SPTLC2: variants seen among roughly 807,000 people sequenced by gnomAD.
SPTLC2 encodes the protein serine palmitoyltransferase long chain base subunit 2, also known as serine palmitoyltransferase 2.
A neutral mutation model predicts 62.0 loss-of-function variants in SPTLC2; 21 were observed. The observed-to-expected ratio is 0.34, with a 90% CI of 0.24 to 0.49. The LOEUF (loss-of-function observed/expected upper bound fraction) is 0.49. Ranked by LOEUF, SPTLC2 falls within the 20% of genes least tolerant of loss-of-function variation. The pLI is 0.99. For synonymous variants in SPTLC2, 261 were observed against 261.8 expected, an observed-to-expected ratio of 1.00 and a Z score of 0.03; for missense variants, 511 against 713.0, an observed-to-expected ratio of 0.72 and a Z score of 3.23.
chr14:77,600,197 T>G (rs1012704270), intron 1 of SPTLC2, among the ~76,000 whole-genome samples: 2 of 152,210 alleles, frequency 1.3e-5, no homozygotes, highest in Non-Finnish European at 2.9e-5. Flanking sequence ...TAAACCATTA[T>G]GAAGAACTGT....
chr14:77,529,196 T>C (rs925722777), intron 9 of SPTLC2, among the ~76,000 whole-genome samples: 3 of 151,916 alleles, frequency 2.0e-5, no homozygotes, highest in Non-Finnish European at 4.4e-5. Flanking sequence ...TGGATTATAC[T>C]ATAGAGAGAG....
intron 1 of SPTLC2, among the ~76,000 whole-genome samples, chr14:77,614,336 T>A (rs2079953463): frequency 1.3e-5 from 2 of 152,314 alleles, no homozygotes; most frequent in South Asian, 4.1e-4. Flanking sequence ...CGCTGAAGTG[T>A]GAACACCTTT....
intron 6 of SPTLC2, among the ~76,000 whole-genome samples, chr14:77,558,206 C>T (rs1008092157): frequency 2.0e-5 from 3 of 152,124 alleles, no homozygotes; most frequent in Admixed American, 6.5e-5. Context: ...CGCCATCACG[C>T]CAGGCTAATT....
intron 1 of SPTLC2, among the ~76,000 whole-genome samples, chr14:77,616,159 C>A (rs1320914183): frequency 6.6e-6 from 1 of 152,216 alleles, no homozygotes. Flanking sequence ...CTGGGGACAG[C>A]ACACACTTCT....
intron 9 of SPTLC2, among the ~76,000 whole-genome samples, chr14:77,523,354 G>C (rs1341228888): frequency 1.3e-5 from 2 of 151,276 alleles, no homozygotes; most frequent in African/African-American, 4.9e-5. Flanking sequence ...CTGCTGCACA[G>C]GGAAGGAGGG....
chr14:77,564,024 G>T (rs549109961), intron 5 of SPTLC2, among the ~76,000 whole-genome samples: 5 of 152,074 alleles, frequency 3.3e-5, no homozygotes, highest in African/African-American at 9.6e-5. Context: ...GGCCAAGGTG[G>T]GTGGATCACT....
At chr14:77,614,149 T>C (rs984121093) in intron 1 of SPTLC2, among the ~76,000 whole-genome samples, 1 of 152,202 alleles carries the variant, frequency 6.6e-6, no homozygotes, top group African/African-American at 2.4e-5. Flanking sequence ...TCATACAGAT[T>C]TTAAAATGTC....
intron 9 of SPTLC2, among the ~76,000 whole-genome samples, chr14:77,526,042 A>G (rs369989770): frequency 5.4e-4 from 83 of 152,338 alleles, no homozygotes; most frequent in South Asian, 4.8e-3. Context: ...TAACTTACTA[A>G]TTTCAAAGAG....
chr14:77,521,358 A>G lies in SPTLC2; in HGVS notation c.1439+88T>C, dbSNP rs2079383962. The G allele has an allele frequency of 2.6e-6, 4 of 1,558,468 alleles. No homozygotes were observed. In the Admixed American group the frequency reaches 5.0e-5, roughly 20 times the overall value. Reference sequence around the variant, plus strand: ...AGGTTAACACAGTAAGGACAAGACCATTTTCCCTAACAAAATACATAAGCC... The same window carrying G: ...AGGTTAACACAGTAAGGACAAGACCGTTTTCCCTAACAAAATACATAAGCC... On this transcript the variant is annotated intron_variant, in intron 10 of 11. Transcript: ENST00000216484.
chr14:77,522,326 C>G (rs1204020012), intron 9 of SPTLC2, among the ~76,000 whole-genome samples: 1 of 152,078 alleles, frequency 6.6e-6, no homozygotes, highest in Non-Finnish European at 1.5e-5. Flanking sequence ...CCACGCCCAG[C>G]TAACTTTTGT....
intron 1 of SPTLC2, among the ~76,000 whole-genome samples, chr14:77,612,856 C>T (rs533906012): frequency 2.6e-4 from 39 of 152,264 alleles, no homozygotes; most frequent in African/African-American, 8.9e-4. Context: ...TTCTGTAAGC[C>T]AGAGAGCTCT....
rs1158556351 is a variant in SPTLC2, at chr14:77,516,779, T to C, written c.1569+1259A>G. On this transcript the variant is annotated intron_variant, in intron 11 of 11. Coordinates refer to ENST00000216484, the MANE Select transcript of SPTLC2 (RefSeq NM_004863.4). ...ATTTGTTAAGAGGACAGATCTCATGTTAAGTGTTCTTACTACAATTTTGTT... is the reference window on the plus strand; with the variant it reads ...ATTTGTTAAGAGGACAGATCTCATGCTAAGTGTTCTTACTACAATTTTGTT... 3.9e-5 allele frequency among the ~76,000 whole-genome samples: 6 copies of C among 152,386 alleles called. No homozygotes were observed. In the East Asian group the frequency reaches 9.6e-4, roughly 24 times the overall value.
chr14:77,546,317 C>G (rs1397344056), intron 9 of SPTLC2, among the ~76,000 whole-genome samples: 1 of 152,144 alleles, frequency 6.6e-6, no homozygotes, highest in Admixed American at 6.5e-5. Context: ...AATCAAGAAG[C>G]TGCTTTAAAA....
intron 2 of SPTLC2, among the ~76,000 whole-genome samples, chr14:77,581,522 T>A (rs1303213745): frequency 6.6e-6 from 1 of 150,960 alleles, no homozygotes; most frequent in Non-Finnish European, 1.5e-5. Flanking sequence ...GCGACTCTCC[T>A]GCCTCAGCCT....
In SPTLC2 at chr14:77,588,408, T is replaced by C. The variant is rs8014656; in HGVS notation, c.327+8778A>G. 7.1e-3 allele frequency among the ~76,000 whole-genome samples: 1,079 copies of C among 152,110 alleles called. 14 individuals carry two copies. Among genetic ancestry groups the C allele is most frequent in the African/African-American group, 0.025 (1,021 of 41,486 alleles). ...GTCATCACACAGTTAAAATTCATTA[T>C]AGTTGGACGCAGTGGTGGATGCCTA... On this transcript the variant is annotated intron_variant, in intron 2 of 11. Coordinates refer to ENST00000216484, the MANE Select transcript of SPTLC2 (RefSeq NM_004863.4).
chr14:77,573,603 C>A (rs370994097), intron 4 of SPTLC2, among the ~76,000 whole-genome samples: 6 of 152,084 alleles, frequency 3.9e-5, no homozygotes, highest in African/African-American at 1.2e-4. Flanking sequence ...GATAGACATG[C>A]ACAGAAGGAA....
At chr14:77,586,361 C>T (rs2079781592) in intron 2 of SPTLC2, among the ~76,000 whole-genome samples, 1 of 152,144 alleles carries the variant, frequency 6.6e-6, no homozygotes, top group Non-Finnish European at 1.5e-5. Context: ...CAGGTGTGAG[C>T]CATCACACCC....
At chr14:77,614,981 C>G (rs868439647) in intron 1 of SPTLC2, among the ~76,000 whole-genome samples, 1 of 145,434 alleles carries the variant, frequency 6.9e-6, no homozygotes, top group African/African-American at 2.6e-5. Flanking sequence ...AAAAAAAAAA[C>G]AAAAACAAAA....
At chr14:77,555,233 G>C in intron 8 of SPTLC2, 67 bp downstream of exon 8, 1 of 1,596,210 alleles carries the variant, frequency 6.3e-7, no homozygotes, top group Non-Finnish European at 8.6e-7. Flanking sequence ...CATCTGCTAG[G>C]CCTGAGGTAC....
Sources: gnomAD v4.1 joint callset for allele counts (sites outside exome capture counted in the v4.1 genomes callset) on GRCh38, gnomAD v4.1.1 for gene constraint, MANE v1.5 for transcripts, NCBI Gene and HGNC (gene_info 2026-07-23, HGNC 2026-07-21) for gene names.